The following CLVS1 variants were observed in gnomAD, a reference collection of about 807,000 sequenced individuals.
CLVS1 encodes clavesin-1.
Under a neutral mutation model 33.1 loss-of-function variants are expected in CLVS1, and 10 were observed. That is an observed-to-expected ratio of 0.30 (90% confidence interval 0.19 to 0.51). CLVS1 has a LOEUF of 0.51. Ranked by LOEUF, CLVS1 falls within the 20% of genes least tolerant of loss-of-function variation. The pLI is 0.97. For missense variants in CLVS1, 343 were observed against 433.4 expected (o/e 0.79, Z 1.85); for synonymous variants, 163 against 166.1 (o/e 0.98, Z 0.14).
the CLVS1 span, among the ~76,000 whole-genome samples, chr8:61,020,537 A>G: frequency 6.6e-6 from 1 of 152,220 alleles, no homozygotes; most frequent in East Asian, 1.9e-4. Flanking sequence ...GTGCTGGCCA[A>G]GCACGTGGCA....
chr8:61,089,783 A>G (rs1168082544), intron 1 of CLVS1, among the ~76,000 whole-genome samples: 2 of 152,142 alleles, frequency 1.3e-5, no homozygotes, highest in African/African-American at 4.8e-5. Flanking sequence ...CTAGCTGGGC[A>G]TGGGGCATGT....
At chr8:61,226,986 T>G (rs1319446909) in intron 2 of CLVS1, among the ~76,000 whole-genome samples, 6 of 151,306 alleles carry the variant, frequency 4.0e-5, no homozygotes, top group Non-Finnish European at 7.4e-5. Flanking sequence ...ACATGTTTTT[T>G]TTTTTTTTTT....
intron 1 of CLVS1, among the ~76,000 whole-genome samples, chr8:61,096,008 C>A (rs1805345109): frequency 6.6e-6 from 1 of 152,162 alleles, no homozygotes; most frequent in African/African-American, 2.4e-5. Flanking sequence ...TCAATGTCTG[C>A]AGGAGGTAAG....
intron 2 of CLVS1, among the ~76,000 whole-genome samples, chr8:61,189,745 T>G (rs1807427474): frequency 1.3e-5 from 2 of 152,068 alleles, no homozygotes. Flanking sequence ...AAAACAGACT[T>G]TAAATCAACA....
At chr8:61,320,758 TG>T (rs1293154415) in intron 2 of CLVS1, among the ~76,000 whole-genome samples, 1 of 152,184 alleles carries the variant, frequency 6.6e-6, no homozygotes, top group African/African-American at 2.4e-5. Flanking sequence ...AGAGCCCTCA[TG>T]AGCTAATCTT....
At chr8:61,354,614 T>G (rs1812612301) in intron 2 of CLVS1, among the ~76,000 whole-genome samples, 1 of 152,102 alleles carries the variant, frequency 6.6e-6, no homozygotes, top group African/African-American at 2.4e-5. Flanking sequence ...CTAAAAAAAC[T>G]GGTACATCCA....
intron 5 of CLVS1, among the ~76,000 whole-genome samples, chr8:61,467,459 C>T (rs1817587737): frequency 6.6e-6 from 1 of 152,190 alleles, no homozygotes. Context: ...AAAAGCCAGG[C>T]TTTGTCCTGC....
intron 2 of CLVS1, among the ~76,000 whole-genome samples, chr8:61,275,258 C>T (rs977740650): frequency 6.6e-6 from 1 of 152,084 alleles, no homozygotes; most frequent in African/African-American, 2.4e-5. Flanking sequence ...CCCACCATTA[C>T]TGCTGCCTTA....
At chr8:61,352,255 C>T (rs2129599058) in intron 2 of CLVS1, among the ~76,000 whole-genome samples, 1 of 151,998 alleles carries the variant, frequency 6.6e-6, no homozygotes. Flanking sequence ...CTATGAATAT[C>T]ATGTAAAGAG....
intron 2 of CLVS1, among the ~76,000 whole-genome samples, chr8:61,185,950 C>T (rs1807336395): frequency 6.6e-6 from 1 of 152,174 alleles, no homozygotes; most frequent in Non-Finnish European, 1.5e-5. Context: ...TTGTTTCCTC[C>T]CTAGTTGCCA....
intron 5 of CLVS1, among the ~76,000 whole-genome samples, chr8:61,466,955 T>C (rs556394814): frequency 5.9e-5 from 9 of 152,270 alleles, no homozygotes; most frequent in African/African-American, 2.2e-4. Flanking sequence ...GGCCTATAGA[T>C]ATTATTTAAA....
chr8:61,156,214 C>CAA (rs56094016), intron 2 of CLVS1, among the ~76,000 whole-genome samples: 1,369 of 55,748 alleles, frequency 0.025, 115 homozygotes, highest in African/African-American at 0.082. Context: ...GATTCCATCT[C>CAA]AAAAAAAAAA....
the CLVS1 span, among the ~76,000 whole-genome samples, chr8:61,031,995 G>T: frequency 1.5e-3 from 236 of 152,294 alleles, no homozygotes; most frequent in Middle Eastern, 0.017. Flanking sequence ...GCAATATAAT[G>T]GTAGCAGTTT....
intron 5 of CLVS1, among the ~76,000 whole-genome samples, chr8:61,462,746 T>C (rs1321790038): frequency 1.3e-5 from 2 of 152,188 alleles, no homozygotes; most frequent in African/African-American, 4.8e-5. Flanking sequence ...AGATATACTG[T>C]CATTCAAGCT....
intron 2 of CLVS1, among the ~76,000 whole-genome samples, chr8:61,357,494 C>CTTTTCTTTTTTT (rs1812776284): frequency 7.8e-5 from 2 of 25,804 alleles, no homozygotes; most frequent in African/African-American, 2.0e-4. Flanking sequence ...TTTTTCTTTT[C>CTTTTCTTTTTTT]TTTTTTTTTT....
At chr8:61,100,198 C>T (rs1479230813) in intron 1 of CLVS1, among the ~76,000 whole-genome samples, 1 of 152,066 alleles carries the variant, frequency 6.6e-6, no homozygotes, top group Non-Finnish European at 1.5e-5. Flanking sequence ...TTTTATTAGG[C>T]AGGACAACTT....
chr8:61,464,214 C>T (rs1817469890), intron 5 of CLVS1, among the ~76,000 whole-genome samples: 2 of 152,110 alleles, frequency 1.3e-5, no homozygotes, highest in South Asian at 4.1e-4. Flanking sequence ...TTACCACAAG[C>T]CTTCAAGGTG....
intron 1 of CLVS1, among the ~76,000 whole-genome samples, chr8:61,127,506 C>A (rs1805999282): frequency 6.6e-6 from 1 of 152,116 alleles, no homozygotes; most frequent in African/African-American, 2.4e-5. Context: ...AGACATGAGC[C>A]ACTGGTGCCC....
At chr8:61,488,396 G>A (rs1015912683) in intron 5 of CLVS1, among the ~76,000 whole-genome samples, 1 of 152,080 alleles carries the variant, frequency 6.6e-6, no homozygotes, top group African/African-American at 2.4e-5. Flanking sequence ...CTGTTTAACG[G>A]AATTTTTTTG....
Sources: allele counts gnomAD v4.1 joint callset (sites outside exome capture counted in the v4.1 genomes callset), GRCh38; gene constraint gnomAD v4.1.1; transcripts MANE v1.5; gene names NCBI Gene and HGNC (gene_info 2026-07-23, HGNC 2026-07-21).